The following CYTH2 variants were observed in gnomAD, a reference collection of about 807,000 sequenced individuals.
CYTH2 encodes the protein cytohesin 2, also known as cytohesin-2.
Under a neutral mutation model 55.4 loss-of-function variants are expected in CYTH2, and 24 were observed. The observed-to-expected ratio is 0.43, with a 90% CI of 0.31 to 0.61. The LOEUF is 0.61. CYTH2 is among the 20% of genes least tolerant of loss of function. The pLI, the probability that CYTH2 is intolerant of heterozygous loss-of-function variation, is 0.08. For synonymous variants in CYTH2, 221 were observed against 209.6 expected (o/e 1.05, Z -0.47); for missense variants, 378 against 533.5 (o/e 0.71, Z 2.87).
chr19:48,477,771 T>TGCCCTGGCGCCCTGGC (rs543201900), intron 8 of CYTH2: 2 of 447,270 alleles, frequency 4.5e-6, no homozygotes. Context: ...GGGAGGGGGC[T>TGCCCTGGCGCCCTGGC]GCCCTGGCGC....
chr19:48,472,282 G>C, intron 3 of CYTH2, 43 bp from the exon 4 acceptor site: 1 of 1,587,180 alleles, frequency 6.3e-7, no homozygotes, highest in Non-Finnish European at 8.6e-7. Context: ...GAGTGGGGTG[G>C]CTTTCTGGCC....
At chr19:48,470,551 G>A in intron 2 of CYTH2, 51 bp downstream of exon 2, 3 of 1,614,120 alleles carry the variant, frequency 1.9e-6, no homozygotes, top group Non-Finnish European at 2.5e-6. Context: ...CTGAGGCCAG[G>A]GATGCCCAGG....
chr19:48,478,999 G>A (rs1601029879), intron 11 of CYTH2, 124 bp from the exon 12 acceptor site: 5 of 951,472 alleles, frequency 5.3e-6, no homozygotes, highest in East Asian at 4.9e-5. Context: ...GGGGCCGGGG[G>A]CCTGGACTCC....
Position 48,480,835 on chromosome 19 carries a change from C to T in CYTH2, c.*1625C>T, listed in dbSNP as rs376090530. The T allele has an allele frequency of 6.6e-6, 1 of 152,262 alleles. No individual in the cohort carries two copies. Among genetic ancestry groups the T allele is most frequent in the Non-Finnish European group, 1.5e-5 (1 of 68,054 alleles). 9.4% of individuals were successfully genotyped at this position (152,262 alleles called of 1,614,324 possible). Reference sequence around the variant, plus strand: ...ACAGCGGGTCCCGCCACTATGTCACCCTTTCCTGCCGCCTCCCCGGATGAA... The same window carrying T: ...ACAGCGGGTCCCGCCACTATGTCACTCTTTCCTGCCGCCTCCCCGGATGAA... On this transcript the variant is annotated 3_prime_UTR_variant, in exon 12 of 12. Coordinates refer to ENST00000452733, the MANE Select transcript of CYTH2 (RefSeq NM_004228.7).
At chr19:48,470,575 C>T (rs1192634879) in intron 2 of CYTH2, 28 bp from the exon 3 acceptor site, 52 of 1,614,078 alleles carry the variant, frequency 3.2e-5, no homozygotes, top group Non-Finnish European at 4.2e-5. Flanking sequence ...TGACCCTCCA[C>T]CCCCAACCCT....
At chr19:48,469,959 A>C (rs574462291) in intron 1 of CYTH2, 2 of 549,708 alleles carry the variant, frequency 3.6e-6, no homozygotes, top group Admixed American at 2.2e-5. Context: ...GTGACTTTTC[A>C]TGGACCCAGT....
At chr19:48,475,254 G>A (rs150443573) in intron 8 of CYTH2, 52 of 350,150 alleles carry the variant, frequency 1.5e-4, no homozygotes, top group Middle Eastern at 1.6e-3. Flanking sequence ...TTGTCCTTTC[G>A]TGGGAGAAGA....
intron 5 of CYTH2, chr19:48,473,597 T>A (rs532532284): frequency 1.6e-6 from 1 of 606,838 alleles, no homozygotes; most frequent in East Asian, 2.8e-5. Context: ...AAGTCGACTT[T>A]CTTTGCCTCT....
Position 48,473,836 on chromosome 19 carries a change from A to G in CYTH2, c.435-69A>G, listed in dbSNP as rs1971852373. 1.0e-5 allele frequency: 13 copies of G among 1,267,422 alleles called. 1 individual carries two copies. In the South Asian group the frequency reaches 1.9e-4, roughly 18 times the overall value. The allele number at this position is 1,267,422 out of a possible 1,614,324, so 78.5% of individuals were successfully genotyped here. A position where few individuals can be genotyped will look rare whatever the true frequency, so the allele number is the denominator to read the frequency against. ...GATTCCTCGTGGACCAGTTCCTAAC[A>G]CAGGGACTGAGAGTGGGGACAGGCT... On this transcript the variant is annotated intron_variant, in intron 5 of 11. Transcript: ENST00000452733.
At position 48,474,412 on chromosome 19, in the gene CYTH2, C is replaced by G. The variant is rs1331468460; in HGVS notation, c.696+82C>G. The G allele has an allele frequency of 2.1e-6, 3 of 1,441,166 alleles. No individual in the cohort carries two copies. The highest frequency in any genetic ancestry group is 2.8e-6 in the Non-Finnish European group (3 of 1,079,652). The allele number at this position is 1,441,166 out of a possible 1,614,324, so 89.3% of individuals were successfully genotyped here. A position where few individuals can be genotyped will look rare whatever the true frequency, so the allele number is the denominator to read the frequency against. On this transcript the variant is annotated intron_variant, in intron 7 of 11. Coordinates refer to ENST00000452733, the MANE Select transcript of CYTH2 (RefSeq NM_004228.7). The surrounding 1 kb of genome is among the most constrained non-coding windows in gnomAD (Gnocchi z 4.9). The stretch of plus-strand genomic sequence containing the variant: ...CGCCCCACCTGTGGTCTCCTAGTGC[C>G]CAAGCTGTCTGCCCTCACCCCCAAG...
rs373726611 is a variant in CYTH2 at position 48,474,981 on chromosome 19, C to T, written c.808+32C>T. On this transcript the variant is annotated intron_variant, in intron 8 of 11. Coordinates refer to ENST00000452733, the MANE Select transcript of CYTH2 (RefSeq NM_004228.7). The surrounding 1 kb of genome is among the most constrained non-coding windows in gnomAD (Gnocchi z 4.9). ...GCCCTCCCGACCCCGCTGGTCCCTC[C>T]GCAGGAGGACATTTGTGGGCCTGGG... 8.3e-5 allele frequency: 132 copies of T among 1,594,782 alleles called. No homozygotes were observed. The highest frequency in any genetic ancestry group is 1.2e-4 in the African/African-American group (9 of 74,322).
chr19:48,472,478 C>A, intron 4 of CYTH2, 35 bp downstream of exon 4: 1 of 1,537,914 alleles, frequency 6.5e-7, no homozygotes. Flanking sequence ...GGGGCCCCTC[C>A]CTCCCACCCC....
chr19:48,473,459 AG>A (rs1971845046), intron 5 of CYTH2, 81 bp downstream of exon 5: 1 of 1,421,960 alleles, frequency 7.0e-7, no homozygotes, highest in Non-Finnish European at 9.9e-7. Flanking sequence ...ACCTTACTCA[AG>A]AAAAAAACAG....
rs533419382 is a variant in CYTH2, at chr19:48,481,971, C to G, written c.*2761C>G. 6.6e-6 allele frequency: 1 copy of G among 152,428 alleles called. No homozygotes were observed. The highest frequency in any genetic ancestry group is 2.4e-5 in the African/African-American group (1 of 41,506). 9.4% of individuals were successfully genotyped at this position (152,428 alleles called of 1,614,324 possible). ...GGAGTCCTCATGGATAGATTAATGC[C>G]TGCCTTAAGGGGTGAGTGAGTGCTC... is the stretch of plus-strand genomic sequence containing the variant. On this transcript the variant is annotated 3_prime_UTR_variant, in exon 12 of 12. Coordinates refer to ENST00000452733, the MANE Select transcript of CYTH2 (RefSeq NM_004228.7).
At chr19:48,473,870 C>T in intron 5 of CYTH2, 35 bp from the exon 6 acceptor site, 1 of 1,530,932 alleles carries the variant, frequency 6.5e-7, no homozygotes, top group Non-Finnish European at 8.9e-7. Context: ...CTCCCACCAG[C>T]CCTGGCATCC....
chr19:48,478,908 G>C (rs1244725790), intron 11 of CYTH2, among the ~76,000 whole-genome samples: 248 of 131,110 alleles, frequency 1.9e-3, no homozygotes, highest in African/African-American at 7.5e-3. Flanking sequence ...CTGGGTGTGA[G>C]GGAGGAGGGG....
chr19:48,474,048 A>G lies in CYTH2; in HGVS notation c.547+31A>G, dbSNP rs1971857777. ...GGCCCCAAATCCTGGGTCCTGGGAA[A>G]GAGGAGACTGGGGCCCAGACTCCTA... On this transcript the variant is annotated intron_variant, in intron 6 of 11. Coordinates refer to ENST00000452733, the MANE Select transcript of CYTH2 (RefSeq NM_004228.7). The surrounding 1 kb of genome is among the most constrained non-coding windows in gnomAD (Gnocchi z 4.9). 2 of 1,579,868 alleles carry G rather than the reference A, an allele frequency of 1.3e-6. No homozygotes were observed. Among genetic ancestry groups the G allele is most frequent in the African/African-American group, 2.7e-5 (2 of 73,450 alleles).
rs974592051 is a variant in CYTH2 at position 48,479,425 on chromosome 19, C to T, written c.*215C>T. 44 of 546,002 alleles carry T rather than the reference C, an allele frequency of 8.1e-5. No individual in the cohort carries two copies. Among genetic ancestry groups the T allele is most frequent in the African/African-American group, 1.7e-4 (9 of 52,424 alleles). The allele number at this position is 546,002 out of a possible 1,614,324, so 33.8% of individuals were successfully genotyped here. A position where few individuals can be genotyped will look rare whatever the true frequency, so the allele number is the denominator to read the frequency against. ...CCTCATTTCTTGGGGTTGACAGAGT[C>T]GAGGTGCTCCGTGGAGCCAGCCTGT... On this transcript the variant is annotated 3_prime_UTR_variant, in exon 12 of 12. Coordinates refer to ENST00000452733, the MANE Select transcript of CYTH2 (RefSeq NM_004228.7).
intron 8 of CYTH2, chr19:48,477,030 G>C (rs1971928738): frequency 6.6e-6 from 1 of 152,198 alleles, no homozygotes; most frequent in East Asian, 1.9e-4. Context: ...GTGCCAGTTA[G>C]AGGGACCCCT....
Sources: gnomAD v4.1 joint callset for allele counts (sites outside exome capture counted in the v4.1 genomes callset) on GRCh38, gnomAD v4.1.1 for gene constraint, Gnocchi (gnomAD v3.1) non-coding constraint, MANE v1.5 for transcripts, NCBI Gene and HGNC (gene_info 2026-07-23, HGNC 2026-07-21) for gene names.